SEZ6: variants seen among roughly 807,000 people sequenced by gnomAD.
The protein encoded by SEZ6 is seizure protein 6 homolog.
Under a neutral mutation model 101.0 loss-of-function variants are expected in SEZ6, and 53 were observed. The observed-to-expected ratio is 0.52, with a 90% CI of 0.42 to 0.66. SEZ6 has a LOEUF of 0.66. SEZ6 is among the 30% of genes least tolerant of loss of function. The pLI is 0.00. For synonymous variants in SEZ6, 488 were observed against 512.2 expected (o/e 0.95, Z 0.64); for missense variants, 1,102 against 1,289.4 (o/e 0.85, Z 2.23).
intron 1 of SEZ6, among the ~76,000 whole-genome samples, chr17:29,004,769 G>C (rs902477928): frequency 6.6e-6 from 1 of 152,160 alleles, no homozygotes; most frequent in Non-Finnish European, 1.5e-5. Context: ...TACTGCAGCG[G>C]GAGAAGGACG....
At chr17:28,956,078 G>A in intron 16 of SEZ6, 81 bp downstream of exon 16, 2 of 1,596,364 alleles carry the variant, frequency 1.3e-6, no homozygotes, top group South Asian at 1.1e-5. Context: ...AGAGGGCTTG[G>A]CAGGACCCTC....
intron 10 of SEZ6, among the ~76,000 whole-genome samples, chr17:28,958,800 A>G (rs756588103): frequency 1.2e-4 from 18 of 151,168 alleles, no homozygotes; most frequent in Non-Finnish European, 2.5e-4. Flanking sequence ...AAAAAGGAAG[A>G]AAAAGAAAGT....
At chr17:28,968,930 T>C (rs1324341820) in intron 4 of SEZ6, among the ~76,000 whole-genome samples, 1 of 152,252 alleles carries the variant, frequency 6.6e-6, no homozygotes, top group Non-Finnish European at 1.5e-5. Context: ...GGCAAAGTCC[T>C]GAGCCCCTTT....
intron 10 of SEZ6, among the ~76,000 whole-genome samples, chr17:28,958,587 C>T (rs2040921544): frequency 6.6e-6 from 1 of 151,968 alleles, no homozygotes; most frequent in African/African-American, 2.4e-5. Flanking sequence ...GCCAGGAGTT[C>T]GAGACCAGCC....
At position 28,959,142 on chromosome 17, in the gene SEZ6, C is replaced by T; in HGVS notation, c.1990G>A (p.Gly664Arg). 6.2e-7 allele frequency: 1 copy of T among 1,613,894 alleles called. No individual in the cohort carries two copies. Among genetic ancestry groups the T allele is most frequent in the Non-Finnish European group, 8.5e-7 (1 of 1,179,854 alleles). Residue 664 changes from glycine (G) to arginine (R), a missense_variant, in exon 10 of 17, where the codon GGG (glycine) becomes AGG (arginine). By Grantham distance (125) the Gly-to-Arg change is moderately radical. This residue lies in a region of SEZ6 where 556 missense variants were observed against 735.1 expected (regional missense o/e 0.76). Coordinates refer to ENST00000317338, the MANE Select transcript of SEZ6 (RefSeq NM_178860.5). This position sits in a 1 kb window ranked among gnomAD's most constrained non-coding sequence, Gnocchi z 4.4. ...LTARVLGQYSGPRSHFKLFTS... is the reference protein window; with the variant it reads ...LTARVLGQYSRPRSHFKLFTS... ...AAGAGCTTGAAGTGGCTACGGGGCC[C>T]TGAGTACTGGCCCAGAACCCGGGCC...
chr17:28,979,538 C>A, intron 3 of SEZ6, 142 bp downstream of exon 3: 1 of 1,240,484 alleles, frequency 8.1e-7, no homozygotes. Flanking sequence ...ACCATTTAGG[C>A]CCATCTCCCA....
At chr17:28,968,393 T>C (rs2041101966) in intron 4 of SEZ6, among the ~76,000 whole-genome samples, 1 of 152,252 alleles carries the variant, frequency 6.6e-6, no homozygotes, top group African/African-American at 2.4e-5. Flanking sequence ...TCCAGCTCAC[T>C]GCCATTCAGC....
intron 1 of SEZ6, among the ~76,000 whole-genome samples, chr17:28,983,071 A>G (rs546093417): frequency 1.3e-5 from 2 of 152,232 alleles, no homozygotes; most frequent in East Asian, 3.9e-4. Flanking sequence ...TAGAGCAGTA[A>G]TATGAGTAGA....
chr17:28,980,605 C>T (rs1025823951), intron 2 of SEZ6, among the ~76,000 whole-genome samples: 3 of 151,678 alleles, frequency 2.0e-5, no homozygotes, highest in African/African-American at 2.4e-5. Flanking sequence ...CTCCTGACCT[C>T]GTTCCACACG....
At position 28,959,108 on chromosome 17, in the gene SEZ6, A is replaced by G. The variant is rs2040930946; in HGVS notation, c.2024T>C (p.Met675Thr). The G allele has an allele frequency of 6.2e-7, 1 of 1,613,994 alleles. No homozygotes were observed. The highest frequency in any genetic ancestry group is 8.5e-7 in the Non-Finnish European group (1 of 1,179,880). The part of the protein sequence containing the change: ...PRSHFKLFTS[M>T]ADVTIQFQSD... Reference sequence around the variant, plus strand: ...CTGGAACTGAATGGTGACATCAGCCATGGAGGTAAAGAGCTTGAAGTGGCT... The same window carrying G: ...CTGGAACTGAATGGTGACATCAGCCGTGGAGGTAAAGAGCTTGAAGTGGCT... The change falls in exon 10 of 17, where the codon ATG becomes ACG. Residue 675 changes from methionine to threonine, a missense_variant. Met to Thr is a moderately conservative substitution (Grantham distance 81, BLOSUM62 -1). Coordinates refer to ENST00000317338, the MANE Select transcript of SEZ6 (RefSeq NM_178860.5). This position sits in a 1 kb window ranked among gnomAD's most constrained non-coding sequence, Gnocchi z 4.4.
At chr17:28,988,117 GC>G (rs1265895879) in intron 1 of SEZ6, among the ~76,000 whole-genome samples, 1 of 152,198 alleles carries the variant, frequency 6.6e-6, no homozygotes, top group Non-Finnish European at 1.5e-5. Context: ...CAGAACAGGT[GC>G]CTTCCCCGTT....
At chr17:28,967,387 C>T (rs77880283) in intron 4 of SEZ6, among the ~76,000 whole-genome samples, 2,534 of 152,276 alleles carry the variant, frequency 0.017, 66 homozygotes, top group African/African-American at 0.057. Context: ...GAACTTGAAG[C>T]TCCTGGGCTC....
rs2041127837 is a variant in SEZ6 at position 28,969,954 on chromosome 17, T to C, written c.859-2A>G. The C allele has an allele frequency of 6.5e-7, 1 of 1,529,708 alleles. No homozygotes were observed. The highest frequency in any genetic ancestry group is 1.3e-5 in the South Asian group (1 of 77,300). The allele number at this position is 1,529,708 out of a possible 1,614,324, so 94.8% of individuals were successfully genotyped here. A position where few individuals can be genotyped will look rare whatever the true frequency, so the allele number is the denominator to read the frequency against. On this transcript the variant is annotated splice_acceptor_variant, in intron 3 of 16. Transcript: ENST00000317338. LOFTEE classifies it high-confidence loss of function. ...TTCCCGGAGGCTGATATTCTGGACC[T>C]GTCAGTAGAGTAGAGAGAGAAAAGC...
chr17:28,993,869 C>T (rs1019563797), intron 1 of SEZ6, among the ~76,000 whole-genome samples: 1 of 152,264 alleles, frequency 6.6e-6, no homozygotes, highest in Non-Finnish European at 1.5e-5. Flanking sequence ...AGCTGAATCA[C>T]CGGCCTGGCA....
chr17:29,005,437 G>A lies in SEZ6; in HGVS notation c.55+378C>T, dbSNP rs1271790151. ...CACGGGCCGCCAGCTGGACCGTCCC[G>A]ACTCACTGCCTTGCGCCCCCCGGCA... is the stretch of plus-strand genomic sequence containing the variant. On this transcript the variant is annotated intron_variant, in intron 1 of 16. Transcript: ENST00000317338. This position sits in a 1 kb window ranked among gnomAD's most constrained non-coding sequence, Gnocchi z 4.8. 6.6e-6 allele frequency among the ~76,000 whole-genome samples: 1 copy of A among 152,114 alleles called. No homozygotes were observed. Among genetic ancestry groups the A allele is most frequent in the Non-Finnish European group, 1.5e-5 (1 of 68,018 alleles).
chr17:28,967,985 G>A (rs915670101), intron 4 of SEZ6, among the ~76,000 whole-genome samples: 5 of 152,134 alleles, frequency 3.3e-5, no homozygotes, highest in African/African-American at 1.2e-4. Context: ...GGGGATGTCT[G>A]TCAGGGCCGT....
Position 28,957,211 on chromosome 17 carries a change from A to C in SEZ6, c.2526T>G (p.Ser842Arg). Reference sequence around the variant, plus strand: ...GACTTCGGGCACCATTCTCAGGGGCACTGAGACCATGGCATGGCTTGAGCT... The same window carrying C: ...GACTTCGGGCACCATTCTCAGGGGCCCTGAGACCATGGCATGGCTTGAGCT... ...LEQLKPCHGL[S>R]APENGARSPE... is the part of the protein sequence containing the mutation. Residue 842 changes from serine (S) to arginine (R), a missense_variant, in exon 13 of 17, where the codon AGT becomes AGG. Ser to Arg is a moderately radical substitution (Grantham distance 110). Around this residue, in one of 3 missense-constraint regions of SEZ6, gnomAD observed 556 missense variants for 735.1 expected, o/e 0.76. Transcript: ENST00000317338. 1 of 1,614,012 alleles carries C rather than the reference A, an allele frequency of 6.2e-7. No individual in the cohort carries two copies. The highest frequency in any genetic ancestry group is 8.5e-7 in the Non-Finnish European group (1 of 1,179,888).
chr17:28,988,169 G>T (rs2041408462), intron 1 of SEZ6, among the ~76,000 whole-genome samples: 1 of 152,178 alleles, frequency 6.6e-6, no homozygotes, highest in South Asian at 2.1e-4. Context: ...CCTTGCCATG[G>T]CTTCTCTACT....
intron 7 of SEZ6, 69 bp downstream of exon 7, chr17:28,960,436 G>A: frequency 6.5e-7 from 1 of 1,536,748 alleles, no homozygotes; most frequent in Non-Finnish European, 8.8e-7. Context: ...TAGGGTGTGG[G>A]AGAAAGACCC....
Sources: gnomAD v4.1 joint callset for allele counts (sites outside exome capture counted in the v4.1 genomes callset) on GRCh38, gnomAD v4.1.1 for gene constraint, gnomAD v4.1.1 regional missense constraint, Gnocchi (gnomAD v3.1) non-coding constraint, MANE v1.5 for transcripts, NCBI Gene and HGNC (gene_info 2026-07-23, HGNC 2026-07-21) for gene names.